The following TRMT2B variants were observed in gnomAD, a reference collection of about 807,000 sequenced individuals.
TRMT2B encodes the protein tRNA methyltransferase 2B, also known as tRNA (uracil-5-)-methyltransferase homolog B.
Under a neutral mutation model 39.7 loss-of-function variants are expected in TRMT2B, and 34 were observed. That is an observed-to-expected ratio of 0.86 (90% CI 0.65 to 1.14). The LOEUF (loss-of-function observed/expected upper bound fraction) is 1.14. Ranked by LOEUF, TRMT2B falls within the 50% of genes most tolerant of loss-of-function variation. The probability of loss-of-function intolerance (pLI) is 0.00; values close to 1 mark genes in which losing one functional copy is unlikely to be tolerated. For synonymous variants in TRMT2B, 132 were observed against 137.3 expected (o/e 0.96, Z 0.27); for missense variants, 318 against 377.2 (o/e 0.84, Z 1.30).
In TRMT2B at chrX:101,051,897, C is replaced by A. The variant is rs1376329596; in HGVS notation, c.-587G>T. The stretch of plus-strand genomic sequence containing the variant: ...CAGTCACTTCCTGGTGCGCAAGGCG[C>A]CTCTACTCCCGCCGCACGCGCAGCC... On this transcript the variant is annotated 5_prime_UTR_variant, in exon 1 of 14. Transcript: ENST00000372936. The A allele has an allele frequency of 6.1e-6, 1 of 162,656 alleles. No individual in the cohort carries two copies. Among genetic ancestry groups the A allele is most frequent in the Non-Finnish European group, 1.0e-5 (1 of 99,327 alleles). The allele number at this position is 162,656 out of a possible 1,213,427, so 13.4% of individuals were successfully genotyped here. A position where few individuals can be genotyped will look rare whatever the true frequency, so the allele number is the denominator to read the frequency against.
the TRMT2B span, among the ~76,000 whole-genome samples, chrX:100,992,011 T>C: frequency 9.0e-6 from 1 of 111,428 alleles, no homozygotes; most frequent in Non-Finnish European, 1.9e-5. Context: ...TAATCATCTA[T>C]TGTATACTTC....
At chrX:101,005,904 A>G (rs1459520269), downstream of TRMT2B, among the ~76,000 whole-genome samples, 1 of 91,184 alleles carries the variant, frequency 1.1e-5, no homozygotes, top group African/African-American at 3.9e-5. Flanking sequence ...AAAAAAAAAA[A>G]GAAAGAGAGA....
At chrX:101,036,411 C>T (rs755089544) in intron 6 of TRMT2B, among the ~76,000 whole-genome samples, 1 of 99,911 alleles carries the variant, frequency 1.0e-5, no homozygotes, top group African/African-American at 3.7e-5. Flanking sequence ...CACCACTGCA[C>T]TCCAGCCTGG....
At chrX:100,975,285 AC>A in the TRMT2B span, among the ~76,000 whole-genome samples, 1 of 111,117 alleles carries the variant, frequency 9.0e-6, no homozygotes, top group Non-Finnish European at 1.9e-5. Flanking sequence ...CTGTCCCACT[AC>A]CTAGCATTTT....
chrX:100,999,324 C>T, the TRMT2B span, among the ~76,000 whole-genome samples: 17 of 112,550 alleles, frequency 1.5e-4, no homozygotes, highest in Admixed American at 1.6e-3. Context: ...TTTCAATTGT[C>T]CTTTTGCACT....
intron 7 of TRMT2B, among the ~76,000 whole-genome samples, chrX:101,034,406 T>G (rs1180387819): frequency 9.2e-6 from 1 of 109,053 alleles, no homozygotes; most frequent in African/African-American, 3.3e-5. Context: ...CCTCCCAAAG[T>G]GCTGGGATTA....
At chrX:100,975,627 T>C in the TRMT2B span, among the ~76,000 whole-genome samples, 1 of 103,795 alleles carries the variant, frequency 9.6e-6, no homozygotes, top group East Asian at 2.8e-4. Flanking sequence ...TGCCATTTTC[T>C]TTGCTTTTTT....
the TRMT2B span, among the ~76,000 whole-genome samples, chrX:100,997,682 T>G: frequency 2.6e-3 from 290 of 111,962 alleles, 2 homozygotes; most frequent in African/African-American, 9.0e-3. Context: ...ATCACAGTTA[T>G]TTTCAGAAAA....
rs1209090204 is a variant in TRMT2B at position 101,035,665 on chromosome X, A to T, written c.557T>A (p.Val186Glu). The change falls in exon 7 of 14, where the codon GTG becomes GAG. Residue 186 changes from valine to glutamate, a missense_variant. Coordinates refer to ENST00000372936, the MANE Select transcript of TRMT2B (RefSeq NM_024917.6). ...GATGTTTTTCAGATGATTAGACTGC[A>T]CACAGACAACGTTCCCATCTATGGA... The part of the protein sequence containing the change: ...GTWRDGNVVC[V>E]QSNHLKNIPE... 2.6e-5 allele frequency: 31 copies of T among 1,208,465 alleles called. No individual in the cohort carries two copies. The highest frequency in any genetic ancestry group is 3.5e-5 in the Non-Finnish European group (31 of 892,389).
the TRMT2B span, among the ~76,000 whole-genome samples, chrX:100,977,973 A>G: frequency 3.6e-4 from 40 of 112,298 alleles, no homozygotes; most frequent in African/African-American, 1.2e-3. Flanking sequence ...AACATGGGAC[A>G]CCAGATATCT....
At chrX:101,044,053 C>T (rs1218829906) in intron 2 of TRMT2B, among the ~76,000 whole-genome samples, 2 of 109,947 alleles carry the variant, frequency 1.8e-5, no homozygotes, top group East Asian at 5.8e-4. Context: ...ACCAGACTGG[C>T]CAATATGGTG....
chrX:100,987,368 C>G, the TRMT2B span: 1 of 1,206,537 alleles, frequency 8.3e-7, no homozygotes, highest in Non-Finnish European at 1.1e-6. Context: ...GGTCTGCAGC[C>G]TTCTCTTCTC....
At chrX:100,998,697 T>C in the TRMT2B span, among the ~76,000 whole-genome samples, 2 of 111,796 alleles carry the variant, frequency 1.8e-5, no homozygotes, top group African/African-American at 6.5e-5. Context: ...ATCCTTATTT[T>C]ACATGGAGAT....
the TRMT2B span, chrX:100,986,979 C>T: frequency 1.5e-6 from 1 of 661,896 alleles, no homozygotes. Context: ...TAGTCAGTCC[C>T]ATATGTTGGG....
At chrX:100,984,386 G>A in the TRMT2B span, among the ~76,000 whole-genome samples, 6 of 110,523 alleles carry the variant, frequency 5.4e-5, no homozygotes, top group Non-Finnish European at 1.1e-4. Flanking sequence ...TGATCTGCCC[G>A]CCTCAGCCTC....
chrX:101,019,530 A>G, intron 11 of TRMT2B, 127 bp from the exon 12 acceptor site: 1 of 868,022 alleles, frequency 1.2e-6, no homozygotes. Flanking sequence ...ACTCCAAGTA[A>G]CAAGGAAAGA....
chrX:100,987,600 A>C, the TRMT2B span: 1 of 1,183,437 alleles, frequency 8.4e-7, no homozygotes, highest in Admixed American at 2.2e-5. Flanking sequence ...GAAAAGCTGC[A>C]GGGATCAGTC....
Position 101,042,213 on chromosome X carries a change from G to A in TRMT2B, c.77C>T (p.Pro26Leu). ...TCTGGCATACCAGGGAAGCAGTCCT[G>A]GTTTGGAGAAGAGACCCACCATGGA... ...FISMVGLFSK[P>L]GLLPWYARNP... The change falls in exon 3 of 14, where the codon CCA becomes CTA. Residue 26 changes from proline to leucine, a missense_variant. Coordinates refer to ENST00000372936, the MANE Select transcript of TRMT2B (RefSeq NM_024917.6). 8.3e-7 allele frequency: 1 copy of A among 1,212,089 alleles called. No homozygotes were observed. The highest frequency in any genetic ancestry group is 2.3e-4 in the Middle Eastern group (1 of 4,350).
At chrX:101,019,507 T>C in intron 11 of TRMT2B, 104 bp from the exon 12 acceptor site, 1 of 998,972 alleles carries the variant, frequency 1.0e-6, no homozygotes, top group Non-Finnish European at 1.4e-6. Flanking sequence ...ATCTTCCCTT[T>C]GGATCTAGCA....
Sources: gnomAD v4.1 joint callset for allele counts (sites outside exome capture counted in the v4.1 genomes callset) on GRCh38, gnomAD v4.1.1 for gene constraint, MANE v1.5 for transcripts, NCBI Gene and HGNC (gene_info 2026-07-23, HGNC 2026-07-21) for gene names.